Variants in PCDH7 observed in about 807,000 individuals in gnomAD.
PCDH7 encodes protocadherin 7, also known as protocadherin-7.
PCDH7 carries 17 observed loss-of-function variants against 58.9 expected under a neutral mutation model. The ratio of observed to expected loss-of-function variants is 0.29; its 90% CI spans 0.20 to 0.43. The LOEUF (loss-of-function observed/expected upper bound fraction) is 0.43. Among genes scored for constraint, PCDH7 ranks in the 20% least tolerant of loss-of-function variants. PCDH7 has a pLI of 1.00. For missense variants in PCDH7, 1,274 were observed against 1,441.0 expected (o/e 0.88, Z 1.88); for synonymous variants, 664 against 616.4 (o/e 1.08, Z -1.14).
intron 1 of PCDH7, among the ~76,000 whole-genome samples, chr4:30,832,176 C>T (rs1238490918): frequency 1.3e-5 from 2 of 152,258 alleles, no homozygotes; most frequent in African/African-American, 4.8e-5. Flanking sequence ...GGGAATGAAA[C>T]CTGGTTTCGG....
At chr4:30,805,706 T>C (rs1394052567) in intron 1 of PCDH7, among the ~76,000 whole-genome samples, 3 of 152,202 alleles carry the variant, frequency 2.0e-5, no homozygotes, top group African/African-American at 7.2e-5. Context: ...CTTTTCCCTC[T>C]TTATGCTGTT....
At chr4:30,782,042 C>T (rs1023256146) in intron 1 of PCDH7, among the ~76,000 whole-genome samples, 10 of 151,976 alleles carry the variant, frequency 6.6e-5, no homozygotes, top group African/African-American at 1.9e-4. Flanking sequence ...AGACAACTTT[C>T]AGGTATGTAG....
intron 3 of PCDH7, among the ~76,000 whole-genome samples, chr4:30,979,135 G>A (rs1750328270): frequency 1.3e-5 from 2 of 151,790 alleles, no homozygotes; most frequent in South Asian, 4.2e-4. Context: ...GACCATCCTG[G>A]CTAACACAGT....
chr4:30,726,114 A>T (rs1308425476), intron 1 of PCDH7, among the ~76,000 whole-genome samples: 1 of 152,052 alleles, frequency 6.6e-6, no homozygotes, highest in East Asian at 1.9e-4. Flanking sequence ...ATTGTGTTAC[A>T]TGGAGTGAGA....
At chr4:31,026,042 A>C (rs1354627037) in intron 3 of PCDH7, among the ~76,000 whole-genome samples, 3 of 152,180 alleles carry the variant, frequency 2.0e-5, no homozygotes, top group Non-Finnish European at 4.4e-5. Context: ...TTTACCACGC[A>C]CTGTTATATG....
intron 1 of PCDH7, among the ~76,000 whole-genome samples, chr4:30,894,014 G>A (rs1440589925): frequency 6.6e-6 from 1 of 152,074 alleles, no homozygotes; most frequent in African/African-American, 2.4e-5. Flanking sequence ...GACAGATACT[G>A]GAGAACTGAA....
At chr4:31,008,954 A>T (rs1752979445) in intron 3 of PCDH7, among the ~76,000 whole-genome samples, 1 of 152,074 alleles carries the variant, frequency 6.6e-6, no homozygotes, top group South Asian at 2.1e-4. Flanking sequence ...TACTACTGCC[A>T]CACTGTATGT....
At chr4:30,729,859 A>G (rs955186720) in intron 1 of PCDH7, among the ~76,000 whole-genome samples, 10 of 152,110 alleles carry the variant, frequency 6.6e-5, no homozygotes, top group South Asian at 2.1e-4. Flanking sequence ...TTAACTTTCA[A>G]TTGGATTGCT....
At position 31,019,816 on chromosome 4, in the gene PCDH7, G is replaced by A. The variant is rs193032942; in HGVS notation, c.*7+69601G>A. Among the ~76,000 whole-genome samples the A allele has an allele frequency of 6.4e-3, 970 of 152,044 alleles. 30 individuals carry two copies. Among genetic ancestry groups the A allele is most frequent in the Admixed American group, 0.047 (716 of 15,262 alleles). Reference sequence around the variant, plus strand: ...CACATGCACACACACCCACAGGTACGCATGTAATAACATAAGAGAAGAATT... The same window carrying A: ...CACATGCACACACACCCACAGGTACACATGTAATAACATAAGAGAAGAATT... On this transcript the variant is annotated intron_variant, in intron 3 of 3. Transcript: ENST00000509759.
chr4:30,847,976 T>A (rs1732204503), intron 1 of PCDH7, among the ~76,000 whole-genome samples: 1 of 152,182 alleles, frequency 6.6e-6, no homozygotes, highest in Non-Finnish European at 1.5e-5. Flanking sequence ...CTAAACTTTT[T>A]CATTTTGCAG....
downstream of PCDH7, among the ~76,000 whole-genome samples, chr4:30,733,183 C>G (rs1405429725): frequency 6.6e-6 from 1 of 152,184 alleles, no homozygotes; most frequent in East Asian, 1.9e-4. Flanking sequence ...GAGCAAACCA[C>G]ATATTACCCT....
rs558594064 is a variant in PCDH7 at position 30,765,385 on chromosome 4, T to C, written c.70+40789T>C. Among the ~76,000 whole-genome samples the C allele has an allele frequency of 9.5e-4, 144 of 152,222 alleles. 3 individuals are homozygous for C. Among genetic ancestry groups the C allele is most frequent in the Admixed American group, 9.4e-3 (144 of 15,274 alleles). On this transcript the variant is annotated intron_variant, in intron 1 of 3. Coordinates refer to the PCDH7 transcript ENST00000509759. Reference sequence around the variant, plus strand: ...CTGGAATAGAGGCTGTTAATTGTCCTCACAAGGATTTTTCTTTAACATTCT... The same window carrying C: ...CTGGAATAGAGGCTGTTAATTGTCCCCACAAGGATTTTTCTTTAACATTCT...
At chr4:30,975,888 T>G (rs954193299) in intron 3 of PCDH7, among the ~76,000 whole-genome samples, 1 of 152,218 alleles carries the variant, frequency 6.6e-6, no homozygotes, top group Admixed American at 6.5e-5. Flanking sequence ...ACCACAACCC[T>G]TAACAGCATT....
chr4:31,039,812 G>C (rs1325062416), intron 3 of PCDH7, among the ~76,000 whole-genome samples: 1 of 152,022 alleles, frequency 6.6e-6, no homozygotes, highest in Non-Finnish European at 1.5e-5. Context: ...TAAGATCACG[G>C]AGTAAATTAT....
intron 3 of PCDH7, among the ~76,000 whole-genome samples, chr4:31,037,254 C>T (rs1755487592): frequency 6.6e-6 from 1 of 152,144 alleles, no homozygotes; most frequent in Non-Finnish European, 1.5e-5. Flanking sequence ...CCCTGAAATT[C>T]AGTTTGTTCA....
At chr4:30,811,185 T>C (rs534245849) in intron 1 of PCDH7, among the ~76,000 whole-genome samples, 217 of 152,344 alleles carry the variant, frequency 1.4e-3, no homozygotes, top group African/African-American at 5.1e-3. Context: ...TACTTTCTAC[T>C]GGAAGAATAT....
downstream of PCDH7, among the ~76,000 whole-genome samples, chr4:30,737,240 C>T (rs1716432202): frequency 6.6e-6 from 1 of 152,172 alleles, no homozygotes; most frequent in South Asian, 2.1e-4. Flanking sequence ...TCATATAAAA[C>T]ATTTGCAACT....
At chr4:30,907,008 G>A (rs1741031929) in intron 1 of PCDH7, among the ~76,000 whole-genome samples, 1 of 152,124 alleles carries the variant, frequency 6.6e-6, no homozygotes, top group African/African-American at 2.4e-5. Flanking sequence ...GGGTGACAGA[G>A]TGAGACTCAG....
chr4:31,050,693 T>G (rs1756663807), intron 3 of PCDH7, among the ~76,000 whole-genome samples: 1 of 152,184 alleles, frequency 6.6e-6, no homozygotes, highest in Non-Finnish European at 1.5e-5. Context: ...TTGCCATTTC[T>G]AAGAAGCACA....
Sources: gnomAD v4.1 joint callset for allele counts (sites outside exome capture counted in the v4.1 genomes callset) on GRCh38, gnomAD v4.1.1 for gene constraint, MANE v1.5 for transcripts, NCBI Gene and HGNC (gene_info 2026-07-23, HGNC 2026-07-21) for gene names.